ANO10: variants seen among roughly 807,000 people sequenced by gnomAD.
ANO10 encodes the protein anoctamin 10, also known as anoctamin-10.
Under a neutral mutation model 74.7 loss-of-function variants are expected in ANO10, and 77 were observed. That is an observed-to-expected ratio of 1.03 (90% CI 0.86 to 1.25). The LOEUF is 1.25. Ranked by LOEUF, ANO10 falls within the 50% of genes most tolerant of loss-of-function variation. ANO10 has a pLI of 0.00. For missense variants in ANO10, 721 were observed against 778.1 expected (o/e 0.93, Z 0.87); for synonymous variants, 279 against 284.9 (o/e 0.98, Z 0.21).
chr3:43,682,432 CA>C (rs2084214158), intron 1 of ANO10, among the ~76,000 whole-genome samples: 1 of 152,070 alleles, frequency 6.6e-6, no homozygotes, highest in Non-Finnish European at 1.5e-5. Context: ...GTTGAGGCAA[CA>C]ATTAATAGCT....
At chr3:43,494,241 G>A (rs1440606409) in intron 11 of ANO10, among the ~76,000 whole-genome samples, 1 of 152,138 alleles carries the variant, frequency 6.6e-6, no homozygotes, top group Non-Finnish European at 1.5e-5. Flanking sequence ...ATCACCTGAA[G>A]TCAGGGGTTC....
In ANO10 at chr3:43,538,813, C is replaced by T. The variant is rs1371165885; in HGVS notation, c.1797+10907G>A. Reference sequence around the variant, plus strand: ...TAGACAAGAACTGTTTCAGCTTCCTCAACCCAACGAAGAGGCTGCTCCTGG... The same window carrying T: ...TAGACAAGAACTGTTTCAGCTTCCTTAACCCAACGAAGAGGCTGCTCCTGG... On this transcript the variant is annotated intron_variant, in intron 11 of 12. Coordinates refer to ENST00000292246, the MANE Select transcript of ANO10 (RefSeq NM_018075.5). Among the ~76,000 whole-genome samples, 5 of 152,108 alleles carry T rather than the reference C, an allele frequency of 3.3e-5. No homozygotes were observed. The East Asian group carries it at 7.7e-4, about 23-fold the overall frequency.
chr3:43,605,646 CA>C (rs1181955563), intron 2 of ANO10, 67 bp downstream of exon 2: 6 of 1,550,984 alleles, frequency 3.9e-6, no homozygotes, highest in Non-Finnish European at 5.3e-6. Flanking sequence ...ACTGAGCATA[CA>C]GTGTGGGAGG....
intron 11 of ANO10, among the ~76,000 whole-genome samples, chr3:43,473,245 C>T (rs1304254770): frequency 6.6e-6 from 1 of 152,054 alleles, no homozygotes; most frequent in East Asian, 1.9e-4. Flanking sequence ...CTCTTTTAAA[C>T]GTGATCAGTG....
chr3:43,481,927 CTTTTTTTTTT>C (rs1161910647), intron 11 of ANO10, among the ~76,000 whole-genome samples: 11 of 123,882 alleles, frequency 8.9e-5, no homozygotes, highest in African/African-American at 3.3e-4. Flanking sequence ...CTTTTTTTTT[CTTTTTTTTTT>C]TTTTTTTTGA....
upstream of ANO10, among the ~76,000 whole-genome samples, chr3:43,623,240 G>GGA (rs886275146): frequency 1.3e-4 from 20 of 151,680 alleles, no homozygotes; most frequent in South Asian, 1.0e-3. Flanking sequence ...TAAGATATTT[G>GGA]GAGAGAGAGA....
At chr3:43,417,858 C>G (rs983063662) in intron 12 of ANO10, among the ~76,000 whole-genome samples, 2 of 152,186 alleles carry the variant, frequency 1.3e-5, no homozygotes, top group Non-Finnish European at 2.9e-5. Flanking sequence ...CACCAAGGCT[C>G]CCTCCCTCAG....
chr3:43,627,908 G>A (rs987796968), intron 1 of ANO10, among the ~76,000 whole-genome samples: 2 of 151,852 alleles, frequency 1.3e-5, no homozygotes, highest in Non-Finnish European at 2.9e-5. Flanking sequence ...TTGTTTATGT[G>A]ACAGAGTGTT....
At chr3:43,622,400 A>T (rs1299445945), upstream of ANO10, among the ~76,000 whole-genome samples, 1 of 152,054 alleles carries the variant, frequency 6.6e-6, no homozygotes, top group Non-Finnish European at 1.5e-5. Flanking sequence ...TGGGCTCTCC[A>T]ACCGCGAGCG....
At chr3:43,546,468 A>C (rs1196348387) in intron 11 of ANO10, among the ~76,000 whole-genome samples, 1 of 152,224 alleles carries the variant, frequency 6.6e-6, no homozygotes, top group African/African-American at 2.4e-5. Context: ...GATTTTGCAA[A>C]CTTTGCATAT....
At chr3:43,415,302 T>G (rs2092721942) in intron 12 of ANO10, among the ~76,000 whole-genome samples, 1 of 151,894 alleles carries the variant, frequency 6.6e-6, no homozygotes, top group Non-Finnish European at 1.5e-5. Context: ...AGGAAGAAAC[T>G]GAGGCCGAGA....
At chr3:43,606,530 G>A (rs2082573125) in intron 1 of ANO10, among the ~76,000 whole-genome samples, 3 of 152,042 alleles carry the variant, frequency 2.0e-5, no homozygotes, top group Admixed American at 6.6e-5. Context: ...GGCCAGTTAG[G>A]GGGCCATTAA....
chr3:43,467,391 T>C (rs2075673167), intron 11 of ANO10, among the ~76,000 whole-genome samples: 2 of 152,214 alleles, frequency 1.3e-5, no homozygotes, highest in Admixed American at 1.3e-4. Context: ...GGTATATTCA[T>C]ACAATGGAAT....
At chr3:43,508,818 T>C (rs1206504948) in intron 11 of ANO10, among the ~76,000 whole-genome samples, 1 of 150,786 alleles carries the variant, frequency 6.6e-6, no homozygotes, top group Non-Finnish European at 1.5e-5. Flanking sequence ...GCGGGAGGGA[T>C]AGCATTAGGA....
At position 43,509,177 on chromosome 3, in the gene ANO10, T is replaced by C. The variant is rs139685714; in HGVS notation, c.1797+40543A>G. Among the ~76,000 whole-genome samples the C allele has an allele frequency of 2.7e-5, 4 of 149,414 alleles. No homozygotes were observed. The East Asian group carries it at 6.1e-4, about 23-fold the overall frequency. ...CATGGGAATTGAACAATGAGAACAC[T>C]TGGACACAGGGTGGGGAACATCACA... On this transcript the variant is annotated intron_variant, in intron 11 of 12. Coordinates refer to ENST00000292246, the MANE Select transcript of ANO10 (RefSeq NM_018075.5).
At chr3:43,437,161 A>C (rs549719861) in intron 11 of ANO10, among the ~76,000 whole-genome samples, 8 of 152,354 alleles carry the variant, frequency 5.3e-5, no homozygotes, top group African/African-American at 1.9e-4. Context: ...ATGTACATCT[A>C]CTTCTTCTAC....
At chr3:43,375,376 A>G (rs1342881260) in intron 12 of ANO10, among the ~76,000 whole-genome samples, 2 of 152,152 alleles carry the variant, frequency 1.3e-5, no homozygotes, top group African/African-American at 4.8e-5. Flanking sequence ...TGAACCCGAG[A>G]GGTGGAGGTG....
At position 43,394,571 on chromosome 3, in the gene ANO10, G is replaced by A. The variant is rs905553763; in HGVS notation, c.1915-27597C>T. Among the ~76,000 whole-genome samples the A allele has an allele frequency of 3.3e-5, 5 of 152,122 alleles. No homozygotes were observed. The East Asian group carries it at 9.6e-4, about 29-fold the overall frequency. On this transcript the variant is annotated intron_variant, in intron 12 of 12. Coordinates refer to ENST00000292246, the MANE Select transcript of ANO10 (RefSeq NM_018075.5). ...CCAGTAAGAAGATGTAGAATTTATA[G>A]GAAACAGTGAAAACGACAACAACAA...
At chr3:43,658,711 G>A (rs576253049) in intron 1 of ANO10, among the ~76,000 whole-genome samples, 8 of 152,008 alleles carry the variant, frequency 5.3e-5, no homozygotes, top group African/African-American at 1.2e-4. Flanking sequence ...TTCATGATTC[G>A]CCCACCTTGG....
Sources: gnomAD v4.1 joint callset for allele counts (sites outside exome capture counted in the v4.1 genomes callset) on GRCh38, gnomAD v4.1.1 for gene constraint, MANE v1.5 for transcripts, NCBI Gene and HGNC (gene_info 2026-07-23, HGNC 2026-07-21) for gene names.